The following AGPAT3 variants were observed in gnomAD, a reference collection of about 807,000 sequenced individuals.
AGPAT3 encodes 1-acyl-sn-glycerol-3-phosphate acyltransferase gamma.
AGPAT3 carries 5 observed loss-of-function variants against 47.3 expected under a neutral mutation model. That is an observed-to-expected ratio of 0.11 (90% CI 0.06 to 0.22). The LOEUF (loss-of-function observed/expected upper bound fraction) is 0.22. Among genes scored for constraint, AGPAT3 ranks in the 10% least tolerant of loss-of-function variants. AGPAT3 has a pLI of 1.00. For synonymous variants in AGPAT3, 212 were observed against 208.3 expected, an observed-to-expected ratio of 1.02 and a Z score of -0.15; for missense variants, 315 against 493.0, an observed-to-expected ratio of 0.64 and a Z score of 3.42.
intron 7 of AGPAT3, among the ~76,000 whole-genome samples, chr21:43,975,151 GGTGTGCTGGT>G (rs1203824201): frequency 6.6e-6 from 1 of 150,872 alleles, no homozygotes; most frequent in African/African-American, 2.4e-5. Flanking sequence ...TATGTGTCGA[GGTGTGCTGGT>G]GTGTGGTGGG....
At chr21:43,927,907 C>T (rs535255259) in intron 2 of AGPAT3, among the ~76,000 whole-genome samples, 2 of 152,186 alleles carry the variant, frequency 1.3e-5, no homozygotes, top group Non-Finnish European at 2.9e-5. Flanking sequence ...GACAGGTACC[C>T]CAGCCTATAG....
chr21:43,939,614 G>C lies in AGPAT3; in HGVS notation c.-48-20020G>C, dbSNP rs1266531856. 6.6e-6 allele frequency among the ~76,000 whole-genome samples: 1 copy of C among 152,182 alleles called. No individual in the cohort carries two copies. Among genetic ancestry groups the C allele is most frequent in the Admixed American group, 6.5e-5 (1 of 15,286 alleles). The stretch of plus-strand genomic sequence containing the variant: ...GGGCGCCTGGCCTGTCCGGCAGGCT[G>C]GGTGGCTGTTCTCTGTTGAGCCCAC... On this transcript the variant is annotated intron_variant, in intron 2 of 9. Coordinates refer to ENST00000291572, the MANE Select transcript of AGPAT3 (RefSeq NM_020132.5). The surrounding 1 kb of genome is among the most constrained non-coding windows in gnomAD (Gnocchi z 4.4).
chr21:43,897,959 C>T (rs933985102), intron 1 of AGPAT3, among the ~76,000 whole-genome samples: 3 of 152,180 alleles, frequency 2.0e-5, no homozygotes, highest in Non-Finnish European at 2.9e-5. Flanking sequence ...GTCAACACGG[C>T]GTCTCCACCA....
chr21:43,912,251 A>G (rs1163404905), intron 2 of AGPAT3, among the ~76,000 whole-genome samples: 1 of 152,250 alleles, frequency 6.6e-6, no homozygotes, highest in East Asian at 1.9e-4. Context: ...TGCCGGGGCC[A>G]TGGGGCAATC....
intron 2 of AGPAT3, among the ~76,000 whole-genome samples, chr21:43,912,112 C>T (rs769501438): frequency 3.9e-5 from 6 of 152,228 alleles, no homozygotes; most frequent in Admixed American, 1.3e-4. Context: ...TGAGCATTGC[C>T]GTAAGTGTTC....
At chr21:43,975,346 T>C (rs893470390) in intron 7 of AGPAT3, among the ~76,000 whole-genome samples, 4 of 149,682 alleles carry the variant, frequency 2.7e-5, no homozygotes, top group South Asian at 2.1e-4. Flanking sequence ...TATGTTCTGG[T>C]GTGTGCTGGC....
chr21:43,944,649 AG>A (rs1569079708), intron 2 of AGPAT3, among the ~76,000 whole-genome samples: 1 of 152,244 alleles, frequency 6.6e-6, no homozygotes, highest in Non-Finnish European at 1.5e-5. Flanking sequence ...GGAGGCAGGC[AG>A]GGGGACGGCT....
intron 3 of AGPAT3, among the ~76,000 whole-genome samples, chr21:43,961,564 G>T (rs1452850057): frequency 7.2e-6 from 1 of 139,186 alleles, no homozygotes; most frequent in Non-Finnish European, 1.5e-5. Flanking sequence ...GGAAAACAGT[G>T]AGCGCGTAGA....
intron 1 of AGPAT3, among the ~76,000 whole-genome samples, chr21:43,895,967 C>T (rs917138592): frequency 1.3e-4 from 20 of 152,224 alleles, no homozygotes; most frequent in South Asian, 2.1e-4. Context: ...AGGGTTTCAC[C>T]ATATTGGCCA....
intron 2 of AGPAT3, among the ~76,000 whole-genome samples, chr21:43,945,586 C>G (rs1320186621): frequency 6.6e-6 from 1 of 152,046 alleles, no homozygotes; most frequent in South Asian, 2.1e-4. Flanking sequence ...GCCCTGTCCC[C>G]GCAGAGAGCC....
chr21:43,962,673 G>A (rs1399647752), intron 3 of AGPAT3, among the ~76,000 whole-genome samples: 1 of 152,172 alleles, frequency 6.6e-6, no homozygotes, highest in Non-Finnish European at 1.5e-5. Flanking sequence ...TAACCCTTGG[G>A]CAGCTGTAGC....
intron 2 of AGPAT3, among the ~76,000 whole-genome samples, chr21:43,917,535 T>C (rs2086758613): frequency 6.6e-6 from 1 of 152,120 alleles, no homozygotes; most frequent in African/African-American, 2.4e-5. Context: ...GCTGGCAGAG[T>C]CCAATTAACA....
chr21:43,910,034 G>A (rs1322687759), intron 2 of AGPAT3, among the ~76,000 whole-genome samples: 1 of 152,178 alleles, frequency 6.6e-6, no homozygotes, highest in Non-Finnish European at 1.5e-5. Flanking sequence ...GGTGTGTGGT[G>A]TCTTGTTCTT....
rs1049960421 is a variant in AGPAT3 at position 43,922,931 on chromosome 21, G to A, written c.-49+18912G>A. On this transcript the variant is annotated intron_variant, in intron 2 of 9. Transcript: ENST00000291572. This position sits in a 1 kb window ranked among gnomAD's most constrained non-coding sequence, Gnocchi z 4.9. ...ATGGGGCGCCTGTCCCCAGCGGGGC[G>A]GGCTCTGGGGTGCGAGCGTCTGTTC... is the stretch of plus-strand genomic sequence containing the variant. Among the ~76,000 whole-genome samples, 28 of 152,348 alleles carry A rather than the reference G, an allele frequency of 1.8e-4. No homozygotes were observed. The highest frequency in any genetic ancestry group is 6.5e-4 in the African/African-American group (27 of 41,584).
At position 43,959,693 on chromosome 21, in the gene AGPAT3, G is replaced by A. The variant is rs1393219661; in HGVS notation, c.12G>A (p.Leu4=). MGL[L]AFLKTQFVLH... ...TCCTGAGCAGCGCCATGGGCCTGCTGGCCTTCCTGAAGACCCAGTTCGTGC... is the reference window on the plus strand; with the variant it reads ...TCCTGAGCAGCGCCATGGGCCTGCTAGCCTTCCTGAAGACCCAGTTCGTGC... Residue 4 remains leucine, a synonymous_variant, in exon 3 of 10, where the codon CTG becomes CTA. Transcript: ENST00000291572. The A allele has an allele frequency of 1.2e-5, 20 of 1,613,174 alleles. No homozygotes were observed. Among genetic ancestry groups the A allele is most frequent in the Non-Finnish European group, 1.5e-5 (18 of 1,179,930 alleles).
In AGPAT3 at chr21:43,974,167, A is replaced by G. The variant is rs75087321; in HGVS notation, c.767+2677A>G. 4.0e-5 allele frequency among the ~76,000 whole-genome samples: 6 copies of G among 151,806 alleles called. No individual in the cohort carries two copies. In the East Asian group the frequency reaches 1.2e-3, roughly 30 times the overall value. On this transcript the variant is annotated intron_variant, in intron 7 of 9. Coordinates refer to ENST00000291572, the MANE Select transcript of AGPAT3 (RefSeq NM_020132.5). The stretch of plus-strand genomic sequence containing the variant: ...TACGTATGTGCATTGTGTGTAAATT[A>G]TGTGTGTGTTGTATATGGGTGTGGT...
Position 43,981,217 on chromosome 21 carries a change from C to T in AGPAT3, c.1042+30C>T. ...TGGACACTGTCGCTAACAGCTCACA[C>T]TCTGACGGGCCTCACAGTATCAGCC... is the stretch of plus-strand genomic sequence containing the variant. On this transcript the variant is annotated intron_variant, in intron 9 of 9. Transcript: ENST00000291572. This position sits in a 1 kb window ranked among gnomAD's most constrained non-coding sequence, Gnocchi z 5.3. The T allele has an allele frequency of 6.2e-7, 1 of 1,608,854 alleles. No homozygotes were observed. The highest frequency in any genetic ancestry group is 1.7e-5 in the Admixed American group (1 of 59,942).
rs118075654 is a variant in AGPAT3, at chr21:43,893,425, A to G, written c.-111-10532A>G. Among the ~76,000 whole-genome samples, 1,153 of 152,358 alleles carry G rather than the reference A, an allele frequency of 7.6e-3. 5 individuals are homozygous for G. The highest frequency in any genetic ancestry group is 0.027 in the Middle Eastern group (8 of 294). ...CACTCGAACTTTCTCCATATCAGCA[A>G]TAACGCTGTTTCATTTTCTTATCAT... On this transcript the variant is annotated intron_variant, in intron 1 of 9. Transcript: ENST00000291572.
intron 2 of AGPAT3, among the ~76,000 whole-genome samples, chr21:43,959,130 GTGTT>G (rs1601424151): frequency 6.8e-6 from 1 of 146,970 alleles, no homozygotes; most frequent in African/African-American, 2.5e-5. Context: ...TGTGTGGCAT[GTGTT>G]TGGTTTGCGG....
Sources: allele counts gnomAD v4.1 joint callset (sites outside exome capture counted in the v4.1 genomes callset), GRCh38; gene constraint gnomAD v4.1.1; non-coding constraint Gnocchi (gnomAD v3.1); transcripts MANE v1.5; gene names NCBI Gene and HGNC (gene_info 2026-07-23, HGNC 2026-07-21).